Variants in SLC1A1 observed in about 807,000 individuals in gnomAD.
SLC1A1 encodes solute carrier family 1 member 1.
SLC1A1 carries 43 observed loss-of-function variants against 53.3 expected under a neutral mutation model. That is an observed-to-expected ratio of 0.81 (90% CI 0.63 to 1.04). The LOEUF (loss-of-function observed/expected upper bound fraction) is 1.04. Ranked by LOEUF, SLC1A1 falls within the 50% of genes least tolerant of loss-of-function variation. SLC1A1 has a pLI of 0.00. For missense variants in SLC1A1, 748 were observed against 664.9 expected (o/e 1.12, Z -1.37); for synonymous variants, 307 against 243.2 (o/e 1.26, Z -2.44).
intron 10 of SLC1A1, among the ~76,000 whole-genome samples, chr9:4,579,831 T>C (rs1212355324): frequency 6.6e-6 from 1 of 152,190 alleles, no homozygotes; most frequent in African/African-American, 2.4e-5. Context: ...AACATACCCT[T>C]TTGTGGCTTT....
chr9:4,559,691 C>T (rs2129652552), intron 2 of SLC1A1: 1 of 152,286 alleles, frequency 6.6e-6, no homozygotes, highest in Middle Eastern at 3.4e-3. Flanking sequence ...GTACCTTAGG[C>T]TTTGCAAATG....
In SLC1A1 at chr9:4,583,825, G is replaced by C. The variant is rs969897723; in HGVS notation, c.1328+653G>C. Among the ~76,000 whole-genome samples, 1 of 148,190 alleles carries C rather than the reference G, an allele frequency of 6.7e-6. No homozygotes were observed. Among genetic ancestry groups the C allele is most frequent in the African/African-American group, 2.5e-5 (1 of 40,060 alleles). On this transcript the variant is annotated intron_variant, in intron 11 of 11. Coordinates refer to ENST00000262352, the MANE Select transcript of SLC1A1 (RefSeq NM_004170.6). This position sits in a 1 kb window ranked among gnomAD's most constrained non-coding sequence, Gnocchi z 4.6. ...TTTATTGTTATGATTAGAATGAGTT[G>C]GACCATTCAGGCCCCAATCAACAAC...
At chr9:4,521,763 G>T (rs1329015810) in intron 1 of SLC1A1, among the ~76,000 whole-genome samples, 3 of 152,196 alleles carry the variant, frequency 2.0e-5, no homozygotes, top group African/African-American at 7.2e-5. Flanking sequence ...TGAGGCAGAA[G>T]AGGGAAGGGG....
intron 1 of SLC1A1, among the ~76,000 whole-genome samples, chr9:4,531,715 T>C (rs563070129): frequency 7.8e-4 from 119 of 152,262 alleles, no homozygotes; most frequent in Non-Finnish European, 1.4e-3. Flanking sequence ...ATAGTGGTTC[T>C]CCCAGCACAC....
rs116605387 is a variant in SLC1A1 at position 4,496,375 on chromosome 9, C to A, written c.91+5605C>A. On this transcript the variant is annotated intron_variant, in intron 1 of 11. Transcript: ENST00000262352. ...AGAAAGTGGAAGTCACGTTTAAGAT[C>A]CAGAGAGTATTTTTCTTTCTTTTTT... Among the ~76,000 whole-genome samples the A allele has an allele frequency of 2.1e-3, 321 of 152,010 alleles. 4 individuals carry two copies. Among genetic ancestry groups the A allele is most frequent in the African/African-American group, 7.3e-3 (303 of 41,482 alleles).
intron 1 of SLC1A1, among the ~76,000 whole-genome samples, chr9:4,513,654 A>C (rs879375836): frequency 7.9e-5 from 12 of 152,174 alleles, no homozygotes; most frequent in Admixed American, 1.3e-4. Context: ...CTTTCTTATC[A>C]CCTTAAATAC....
At chr9:4,563,204 GT>G (rs1324901802) in intron 3 of SLC1A1, among the ~76,000 whole-genome samples, 4 of 151,654 alleles carry the variant, frequency 2.6e-5, no homozygotes, top group Non-Finnish European at 5.9e-5. Flanking sequence ...ATACTCAGAT[GT>G]GGCAGCAGCT....
At chr9:4,576,502 T>G in intron 9 of SLC1A1, 67 bp from the exon 10 acceptor site, 1 of 1,314,404 alleles carries the variant, frequency 7.6e-7, no homozygotes, top group Non-Finnish European at 1.1e-6. Flanking sequence ...AAGACAGGCA[T>G]GTCTTCAGGC....
intron 1 of SLC1A1, among the ~76,000 whole-genome samples, chr9:4,534,860 T>C (rs747586815): frequency 6.6e-6 from 1 of 152,134 alleles, no homozygotes. Flanking sequence ...TTATCCACCA[T>C]GATCTAGTGG....
At chr9:4,576,249 C>T in intron 9 of SLC1A1, 126 bp downstream of exon 9, 2 of 921,246 alleles carry the variant, frequency 2.2e-6, no homozygotes, top group Admixed American at 1.8e-5. Context: ...CCTCCGTATT[C>T]TCGGCCCCTG....
At chr9:4,515,324 G>A (rs1206601342) in intron 1 of SLC1A1, among the ~76,000 whole-genome samples, 1 of 152,186 alleles carries the variant, frequency 6.6e-6, no homozygotes, top group Non-Finnish European at 1.5e-5. Context: ...GATGGGAAGA[G>A]TATCAGATAT....
Position 4,490,649 on chromosome 9 carries a change from C to G in SLC1A1, c.-31C>G. 6.3e-7 allele frequency: 1 copy of G among 1,598,306 alleles called. No individual in the cohort carries two copies. The highest frequency in any genetic ancestry group is 8.6e-7 in the Non-Finnish European group (1 of 1,167,500). On this transcript the variant is annotated 5_prime_UTR_variant, in exon 1 of 12. Transcript: ENST00000262352. Reference sequence around the variant, plus strand: ...GGTCGCCCAGCCCACGCGCGCACGGCCGAGCCCAGCGCACAATAGCGGCGA... The same window carrying G: ...GGTCGCCCAGCCCACGCGCGCACGGGCGAGCCCAGCGCACAATAGCGGCGA...
intron 1 of SLC1A1, among the ~76,000 whole-genome samples, chr9:4,527,922 A>T (rs558367836): frequency 6.6e-6 from 1 of 152,254 alleles, no homozygotes; most frequent in African/African-American, 2.4e-5. Flanking sequence ...AGCACATCAG[A>T]AGACTCCCTT....
Position 4,553,063 on chromosome 9 carries a change from G to A in SLC1A1, c.232+8356G>A, listed in dbSNP as rs1818066580. On this transcript the variant is annotated intron_variant, in intron 2 of 11. Coordinates refer to ENST00000262352, the MANE Select transcript of SLC1A1 (RefSeq NM_004170.6). ...ATACCAATTTTATGGATAAAGAGAA[G>A]CAAAGAGACAGCTCAGTCATATTTA... 2.6e-5 allele frequency among the ~76,000 whole-genome samples: 4 copies of A among 152,196 alleles called. No homozygotes were observed. The Middle Eastern group carries it at 0.014, about 518-fold the overall frequency.
At chr9:4,540,668 G>A (rs554084100) in intron 1 of SLC1A1, among the ~76,000 whole-genome samples, 3 of 152,186 alleles carry the variant, frequency 2.0e-5, no homozygotes, top group Non-Finnish European at 2.9e-5. Flanking sequence ...GGGGTGAAGT[G>A]CAACGGGTCC....
chr9:4,506,149 G>A (rs1010901926), intron 1 of SLC1A1, among the ~76,000 whole-genome samples: 1 of 151,954 alleles, frequency 6.6e-6, no homozygotes, highest in Non-Finnish European at 1.5e-5. Context: ...TAGAGACGGG[G>A]TTTCGCCATG....
At chr9:4,538,820 G>T (rs886303923) in intron 1 of SLC1A1, among the ~76,000 whole-genome samples, 4 of 152,312 alleles carry the variant, frequency 2.6e-5, no homozygotes, top group Middle Eastern at 6.8e-3. Flanking sequence ...TACAGCCTAA[G>T]GGCAGGATGG....
intron 1 of SLC1A1, among the ~76,000 whole-genome samples, chr9:4,517,664 T>C (rs1643569317): frequency 6.6e-6 from 1 of 152,222 alleles, no homozygotes; most frequent in African/African-American, 2.4e-5. Flanking sequence ...TCACAAAATT[T>C]AACAATTGTT....
At chr9:4,566,989 G>T (rs1175020182) in intron 5 of SLC1A1, among the ~76,000 whole-genome samples, 1 of 152,136 alleles carries the variant, frequency 6.6e-6, no homozygotes, top group Non-Finnish European at 1.5e-5. Flanking sequence ...TCTATTACAG[G>T]GGGCCTTTGC....
Sources: gnomAD v4.1 joint callset for allele counts (sites outside exome capture counted in the v4.1 genomes callset) on GRCh38, gnomAD v4.1.1 for gene constraint, Gnocchi (gnomAD v3.1) non-coding constraint, MANE v1.5 for transcripts, NCBI Gene and HGNC (gene_info 2026-07-23, HGNC 2026-07-21) for gene names.